Variants in KHDRBS2 observed in about 807,000 individuals in gnomAD.
KHDRBS2 encodes the protein KH RNA binding domain containing, signal transduction associated 2.
In KHDRBS2, 26 loss-of-function variants were observed where a neutral mutation model predicts 44.3. That is an observed-to-expected ratio of 0.59 (90% CI 0.43 to 0.81). The LOEUF is 0.81. Among genes scored for constraint, KHDRBS2 ranks in the 40% least tolerant of loss-of-function variants. KHDRBS2 has a pLI of 0.00. For synonymous variants in KHDRBS2, 194 were observed against 151.1 expected (o/e 1.28, Z -2.08); for missense variants, 476 against 433.1 (o/e 1.10, Z -0.88).
the KHDRBS2 span, among the ~76,000 whole-genome samples, chr6:61,613,117 G>C: frequency 6.6e-6 from 1 of 152,136 alleles, no homozygotes; most frequent in Non-Finnish European, 1.5e-5. Flanking sequence ...CTCCCAAAGT[G>C]CTGGGATTAC....
At chr6:61,902,150 C>T (rs865834717) in intron 4 of KHDRBS2, among the ~76,000 whole-genome samples, 6 of 152,122 alleles carry the variant, frequency 3.9e-5, no homozygotes, top group South Asian at 2.1e-4. Flanking sequence ...GACAGGGTTT[C>T]GCCATGTTGG....
At chr6:61,612,527 G>A in the KHDRBS2 span, among the ~76,000 whole-genome samples, 1 of 152,274 alleles carries the variant, frequency 6.6e-6, no homozygotes, top group Admixed American at 6.5e-5. Context: ...CAGTGTTGTT[G>A]CAGAAGGGCA....
intron 1 of KHDRBS2, among the ~76,000 whole-genome samples, chr6:62,267,587 A>C (rs1265218897): frequency 6.6e-6 from 1 of 152,056 alleles, no homozygotes; most frequent in Admixed American, 6.6e-5. Flanking sequence ...GGGAATAGAA[A>C]GTGGAGCACG....
intron 6 of KHDRBS2, among the ~76,000 whole-genome samples, chr6:61,819,408 C>T (rs769362965): frequency 1.2e-4 from 18 of 152,054 alleles, no homozygotes; most frequent in Admixed American, 2.0e-4. Context: ...CCTACTGTGA[C>T]TTTCTTCCCC....
In KHDRBS2 at chr6:61,680,231, A is replaced by G. The variant is rs1435198968; in HGVS notation, c.*732T>C. 1 of 152,388 alleles carries G rather than the reference A, an allele frequency of 6.6e-6. No homozygotes were observed. The highest frequency in any genetic ancestry group is 2.4e-5 in the African/African-American group (1 of 41,432). 9.4% of individuals were successfully genotyped at this position (152,388 alleles called of 1,614,324 possible). A position where few individuals can be genotyped will look rare whatever the true frequency, so the allele number is the denominator to read the frequency against. On this transcript the variant is annotated 3_prime_UTR_variant, in exon 9 of 9. Coordinates refer to ENST00000281156, the MANE Select transcript of KHDRBS2 (RefSeq NM_152688.4). ...TTAAAGCTAGAAAACAAGTAATTCC[A>G]AATTTAATTTTTACAAAAGTTTTCA...
At chr6:61,737,936 T>C (rs1233733940) in intron 6 of KHDRBS2, among the ~76,000 whole-genome samples, 1 of 152,062 alleles carries the variant, frequency 6.6e-6, no homozygotes, top group African/African-American at 2.4e-5. Context: ...GTGCTGATGA[T>C]GGTCTAAGAT....
chr6:62,089,142 C>T (rs1347798995), intron 2 of KHDRBS2, among the ~76,000 whole-genome samples: 1 of 152,128 alleles, frequency 6.6e-6, no homozygotes, highest in East Asian at 1.9e-4. Flanking sequence ...ACCAGTGTAT[C>T]TCAGCTTGCT....
At chr6:61,837,073 TA>T (rs1289677875) in intron 6 of KHDRBS2, among the ~76,000 whole-genome samples, 1 of 151,948 alleles carries the variant, frequency 6.6e-6, no homozygotes, top group African/African-American at 2.4e-5. Flanking sequence ...ATAAGGAAAC[TA>T]TGGAAACCTT....
chr6:61,987,138 G>A (rs896852404), intron 3 of KHDRBS2, among the ~76,000 whole-genome samples: 6 of 152,098 alleles, frequency 3.9e-5, no homozygotes, highest in Admixed American at 3.3e-4. Flanking sequence ...GTAAACTTGG[G>A]CAAGTGACTC....
intron 4 of KHDRBS2, among the ~76,000 whole-genome samples, chr6:61,967,376 A>G (rs2127396822): frequency 6.6e-6 from 1 of 152,088 alleles, no homozygotes; most frequent in East Asian, 1.9e-4. Flanking sequence ...AAGCCATTTT[A>G]CAAGCTGTAT....
chr6:62,122,158 C>G (rs1250135589), intron 2 of KHDRBS2, among the ~76,000 whole-genome samples: 1 of 152,226 alleles, frequency 6.6e-6, no homozygotes, highest in East Asian at 1.9e-4. Flanking sequence ...GCCATATGAC[C>G]CAGCAGATCC....
chr6:61,675,848 A>T (rs1192358750), downstream of KHDRBS2, among the ~76,000 whole-genome samples: 3 of 151,772 alleles, frequency 2.0e-5, no homozygotes, highest in Non-Finnish European at 4.4e-5. Context: ...TTGTTATGGG[A>T]TCATCTAACC....
intron 2 of KHDRBS2, among the ~76,000 whole-genome samples, chr6:62,115,038 A>G (rs1307782211): frequency 6.6e-6 from 1 of 152,116 alleles, no homozygotes; most frequent in East Asian, 1.9e-4. Context: ...TCAGTTGTCA[A>G]CCTATTTGCG....
At chr6:61,825,699 G>A (rs1482469781) in intron 6 of KHDRBS2, among the ~76,000 whole-genome samples, 1 of 152,058 alleles carries the variant, frequency 6.6e-6, no homozygotes, top group Non-Finnish European at 1.5e-5. Context: ...ATAATGGCTA[G>A]GAACACAGAC....
intron 1 of KHDRBS2, among the ~76,000 whole-genome samples, chr6:62,226,788 C>G (rs75719941): frequency 6.6e-6 from 1 of 152,166 alleles, no homozygotes; most frequent in Admixed American, 6.6e-5. Flanking sequence ...GAGATCCCTT[C>G]CCCATTACTT....
intron 1 of KHDRBS2, among the ~76,000 whole-genome samples, chr6:62,180,318 T>C (rs1174583276): frequency 1.3e-5 from 2 of 151,860 alleles, no homozygotes; most frequent in Non-Finnish European, 2.9e-5. Context: ...GTAAAAACTA[T>C]TAGAACTAAT....
At chr6:62,211,830 C>G (rs1406706141) in intron 1 of KHDRBS2, among the ~76,000 whole-genome samples, 1 of 152,124 alleles carries the variant, frequency 6.6e-6, no homozygotes, top group Admixed American at 6.5e-5. Flanking sequence ...GAATATAAAT[C>G]ATTCTATTAT....
At chr6:62,014,438 G>A (rs532789183) in intron 3 of KHDRBS2, among the ~76,000 whole-genome samples, 1 of 152,206 alleles carries the variant, frequency 6.6e-6, no homozygotes, top group African/African-American at 2.4e-5. Context: ...TCAAAATGCT[G>A]GTTCAAAATT....
At chr6:61,646,927 C>A in the KHDRBS2 span, among the ~76,000 whole-genome samples, 1 of 151,982 alleles carries the variant, frequency 6.6e-6, no homozygotes, top group Non-Finnish European at 1.5e-5. Context: ...TCAAGTAATT[C>A]TCCCTTCTCA....
Sources: allele counts gnomAD v4.1 joint callset (sites outside exome capture counted in the v4.1 genomes callset), GRCh38; gene constraint gnomAD v4.1.1; transcripts MANE v1.5; gene names NCBI Gene and HGNC (gene_info 2026-07-23, HGNC 2026-07-21).